Variants in WASHC2C observed in about 807,000 individuals in gnomAD.
WASHC2C encodes the protein WASH complex subunit 2C, also known as Vaccinia Penetration Factor.
In WASHC2C, 73 loss-of-function variants were observed where a neutral mutation model predicts 142.2. The observed-to-expected ratio is 0.51, with a 90% CI of 0.43 to 0.62. The LOEUF (loss-of-function observed/expected upper bound fraction) is 0.62, where lower values mean the gene tolerates loss of function less well. Among genes scored for constraint, WASHC2C ranks in the 20% least tolerant of loss-of-function variants. WASHC2C has a pLI of 0.00. For missense variants in WASHC2C, 969 were observed against 1,531.7 expected, an observed-to-expected ratio of 0.63 and a Z score of 6.13; for synonymous variants, 337 against 565.5, an observed-to-expected ratio of 0.60 and a Z score of 5.73.
chr10:45,733,371 G>A (rs1475208055), intron 3 of WASHC2C, among the ~76,000 whole-genome samples: 2 of 152,106 alleles, frequency 1.3e-5, no homozygotes, highest in African/African-American at 2.4e-5. Flanking sequence ...AGGGGACCAG[G>A]GCTGTGTATA....
At chr10:45,788,084 T>A (rs2058176675) in intron 28 of WASHC2C, among the ~76,000 whole-genome samples, 1 of 152,224 alleles carries the variant, frequency 6.6e-6, no homozygotes. Context: ...CAAAACAGCC[T>A]TCCTTTTAAC....
At chr10:45,728,631 G>A (rs1487926071) in intron 2 of WASHC2C, among the ~76,000 whole-genome samples, 3 of 151,750 alleles carry the variant, frequency 2.0e-5, no homozygotes, top group African/African-American at 2.4e-5. Context: ...CCAGCTACTC[G>A]GGAGGCTGAG....
At position 45,740,954 on chromosome 10, in the gene WASHC2C, CT is replaced by C. The variant is rs781911031; in HGVS notation, c.528+720del. On this transcript the variant is annotated intron_variant, in intron 5 of 30. Coordinates refer to ENST00000623400, the MANE Select transcript of WASHC2C (RefSeq NM_001330074.2). ...TTAAAACATGCCACAGAACCAAACCCTTTTTTTTTTTTGAGACGGAGTTTCA... is the reference window on the plus strand; with the variant it reads ...TTAAAACATGCCACAGAACCAAACCCTTTTTTTTTTTGAGACGGAGTTTCA... Among the ~76,000 whole-genome samples the C allele has an allele frequency of 1.8e-3, 257 of 143,894 alleles. 1 individual carries two copies. Among genetic ancestry groups the C allele is most frequent in the Middle Eastern group, 3.6e-3 (1 of 280 alleles). 94.4% of individuals were successfully genotyped at this position (143,894 alleles called of 152,430 possible).
intron 30 of WASHC2C, among the ~76,000 whole-genome samples, chr10:45,791,536 G>C (rs1484805009): frequency 6.9e-6 from 1 of 145,962 alleles, no homozygotes; most frequent in South Asian, 2.2e-4. Flanking sequence ...TTTCATGTCA[G>C]TACGCAGAGA....
upstream of WASHC2C, chr10:45,727,130 C>T (rs75179203): frequency 2.8e-6 from 4 of 1,421,606 alleles, no homozygotes; most frequent in African/African-American, 4.5e-5. Context: ...AACTCCAGTC[C>T]CAGTCCACTT....
chr10:45,766,405 G>C (rs1334848329), intron 19 of WASHC2C, among the ~76,000 whole-genome samples: 8 of 144,506 alleles, frequency 5.5e-5, no homozygotes, highest in Non-Finnish European at 1.2e-4. Context: ...GGGAGGACTG[G>C]AATGAAGGTT....
At chr10:45,733,979 T>C (rs1554863404) in intron 3 of WASHC2C, among the ~76,000 whole-genome samples, 1 of 152,040 alleles carries the variant, frequency 6.6e-6, no homozygotes, top group African/African-American at 2.4e-5. Context: ...CCTGTAGCAC[T>C]TTGGGAGGCC....
At position 45,728,780 on chromosome 10, in the gene WASHC2C, G is replaced by A. The variant is rs925892142; in HGVS notation, c.127-82G>A. ...CACATTCTAACACTCAAAGGTGAAA[G>A]GAAATGGGTTCTTTTTTGATGTGAC... On this transcript the variant is annotated intron_variant, in intron 2 of 30. Coordinates refer to ENST00000623400, the MANE Select transcript of WASHC2C (RefSeq NM_001330074.2). 9 of 1,477,648 alleles carry A rather than the reference G, an allele frequency of 6.1e-6. No homozygotes were observed. The Admixed American group carries it at 2.1e-4, about 34-fold the overall frequency. The allele number at this position is 1,477,648 out of a possible 1,614,324, so 91.5% of individuals were successfully genotyped here.
At chr10:45,736,627 G>A (rs1326081452) in intron 3 of WASHC2C, among the ~76,000 whole-genome samples, 1 of 151,696 alleles carries the variant, frequency 6.6e-6, no homozygotes, top group Non-Finnish European at 1.5e-5. Context: ...AAGCAGGAAG[G>A]GTAGGAGAGC....
In WASHC2C at chr10:45,763,052, G is replaced by A. The variant is rs1231598756; in HGVS notation, c.1636-336G>A. ...CTGATTCTTTAGACAGTAATGGGAAGCCATGCTTATATATTTATTTTTTTA... is the reference window on the plus strand; with the variant it reads ...CTGATTCTTTAGACAGTAATGGGAAACCATGCTTATATATTTATTTTTTTA... On this transcript the variant is annotated intron_variant, in intron 17 of 30. Coordinates refer to ENST00000623400, the MANE Select transcript of WASHC2C (RefSeq NM_001330074.2). Among the ~76,000 whole-genome samples, 340 of 152,110 alleles carry A rather than the reference G, an allele frequency of 2.2e-3. 1 individual carries two copies. Among genetic ancestry groups the A allele is most frequent in the African/African-American group, 7.8e-3 (325 of 41,488 alleles).
chr10:45,728,981 C>T lies in WASHC2C; in HGVS notation c.246C>T (p.Val82=). Reference sequence around the variant, plus strand: ...CCACAGATTGTCGCCTGCATAATGTCTTCAATGACTTCCTTATGCTCTCTA... The same window carrying T: ...CCACAGATTGTCGCCTGCATAATGTTTTCAATGACTTCCTTATGCTCTCTA... ...TKATDCRLHN[V]FNDFLMLSNT... is the part of the protein sequence containing the mutation. The change falls in exon 3 of 31, where the codon GTC becomes GTT. Residue 82 remains valine, a synonymous_variant. Transcript: ENST00000623400. 5 of 1,613,942 alleles carry T rather than the reference C, an allele frequency of 3.1e-6. No individual in the cohort carries two copies. The South Asian group carries it at 4.4e-5, about 14-fold the overall frequency.
At chr10:45,780,863 C>G (rs1199871982) in intron 23 of WASHC2C, among the ~76,000 whole-genome samples, 1 of 151,480 alleles carries the variant, frequency 6.6e-6, no homozygotes, top group African/African-American at 2.4e-5. Context: ...AAGCGATTCT[C>G]CTGCCTCAGC....
At chr10:45,792,222 C>G in intron 30 of WASHC2C, 39 bp from the exon 31 acceptor site, 1 of 1,563,150 alleles carries the variant, frequency 6.4e-7, no homozygotes, top group Non-Finnish European at 8.7e-7. Context: ...CCTTTCTCCA[C>G]CCCTCTTCAG....
intron 17 of WASHC2C, among the ~76,000 whole-genome samples, chr10:45,760,916 A>G (rs1348477995): frequency 2.0e-5 from 3 of 151,472 alleles, no homozygotes; most frequent in Admixed American, 1.3e-4. Flanking sequence ...CCCCGTCCTT[A>G]ATACCTGTGC....
intron 30 of WASHC2C, 99 bp from the exon 31 acceptor site, chr10:45,792,162 G>A (rs1188998724): frequency 7.6e-7 from 1 of 1,312,286 alleles, no homozygotes; most frequent in African/African-American, 1.5e-5. Flanking sequence ...ACTCCATGCT[G>A]TTACGAGAGC....
At chr10:45,776,355 T>A in intron 21 of WASHC2C, among the ~76,000 whole-genome samples, 1 of 152,184 alleles carries the variant, frequency 6.6e-6, no homozygotes, top group Non-Finnish European at 1.5e-5. Context: ...GATAAGTCAC[T>A]TGCTGCAAAA....
At chr10:45,743,743 TTTTC>T (rs2052440341) in intron 6 of WASHC2C, among the ~76,000 whole-genome samples, 1 of 149,536 alleles carries the variant, frequency 6.7e-6, no homozygotes, top group Non-Finnish European at 1.5e-5. Context: ...TCTTTTTTTC[TTTTC>T]TTTGTCTTTT....
chr10:45,777,104 T>C (rs1589888607), intron 21 of WASHC2C, among the ~76,000 whole-genome samples, 169 bp from the exon 22 acceptor site: 1 of 151,272 alleles, frequency 6.6e-6, no homozygotes. Context: ...CGGGTGGTGG[T>C]GTTTGTTGCT....
At chr10:45,751,895 T>G (rs1425517158) in intron 11 of WASHC2C, among the ~76,000 whole-genome samples, 1 of 152,038 alleles carries the variant, frequency 6.6e-6, no homozygotes, top group Non-Finnish European at 1.5e-5. Flanking sequence ...GAGAATCACT[T>G]GAACCCGGGA....
Sources: gnomAD v4.1 joint callset for allele counts (sites outside exome capture counted in the v4.1 genomes callset) on GRCh38, gnomAD v4.1.1 for gene constraint, MANE v1.5 for transcripts, NCBI Gene and HGNC (gene_info 2026-07-23, HGNC 2026-07-21) for gene names.